CSMD3: variants seen among roughly 807,000 people sequenced by gnomAD.
The protein encoded by CSMD3 is CUB and Sushi multiple domains 3, also known as CUB and sushi domain-containing protein 3.
Under a neutral mutation model 435.2 loss-of-function variants are expected in CSMD3, and 177 were observed. The observed-to-expected ratio is 0.41, with a 90% CI of 0.36 to 0.46. The LOEUF (loss-of-function observed/expected upper bound fraction) is 0.46. Among genes scored for constraint, CSMD3 ranks in the 20% least tolerant of loss-of-function variants. The probability of loss-of-function intolerance (pLI) is 0.34; values close to 1 mark genes in which losing one functional copy is unlikely to be tolerated. For missense variants in CSMD3, 4,265 were observed against 4,504.6 expected (o/e 0.95, Z 1.52); for synonymous variants, 1,656 against 1,520.5 (o/e 1.09, Z -2.07).
In CSMD3 at chr8:112,832,346, A is replaced by C. The variant is rs1292278884; in HGVS notation, c.1756-2557T>G. Among the ~76,000 whole-genome samples the C allele has an allele frequency of 2.0e-5, 3 of 152,276 alleles. No homozygotes were observed. In the East Asian group the frequency reaches 5.8e-4, roughly 29 times the overall value. ...CTATGATTAGTTTATATTATATGGA[A>C]AAGGTGAAGGAATATTAAAGATGTG... On this transcript the variant is annotated intron_variant, in intron 11 of 70. Transcript: ENST00000297405.
intron 32 of CSMD3, among the ~76,000 whole-genome samples, chr8:112,448,755 T>TAAAAAAAA (rs199998820): frequency 1.2e-4 from 15 of 127,174 alleles, no homozygotes; most frequent in African/African-American, 1.3e-4. Flanking sequence ...TACAATCTAT[T>TAAAAAAAA]AAAAAAAAAA....
At chr8:112,920,153 C>A (rs911970737) in intron 10 of CSMD3, among the ~76,000 whole-genome samples, 4 of 151,584 alleles carry the variant, frequency 2.6e-5, no homozygotes, top group African/African-American at 9.7e-5. Flanking sequence ...AAGAAGGAGG[C>A]TTATTTAATT....
At chr8:112,491,621 C>T (rs1472694854) in intron 31 of CSMD3, among the ~76,000 whole-genome samples, 2 of 151,974 alleles carry the variant, frequency 1.3e-5, no homozygotes, top group Non-Finnish European at 2.9e-5. Context: ...TGCACTCCAG[C>T]CTGAGCAGCA....
chr8:112,598,760 A>C (rs1488888899), intron 22 of CSMD3, among the ~76,000 whole-genome samples: 61 of 147,914 alleles, frequency 4.1e-4, no homozygotes, highest in Non-Finnish European at 3.6e-4. Context: ...GAAAAACAAG[A>C]AATGGGGAAA....
chr8:112,583,378 C>A (rs1478781567), intron 23 of CSMD3, among the ~76,000 whole-genome samples: 3 of 152,018 alleles, frequency 2.0e-5, no homozygotes, highest in Admixed American at 2.0e-4. Context: ...GATCTTATCA[C>A]AGGTCAGAGC....
intron 27 of CSMD3, among the ~76,000 whole-genome samples, chr8:112,527,662 G>A (rs766073486): frequency 1.3e-5 from 2 of 151,556 alleles, no homozygotes; most frequent in African/African-American, 4.8e-5. Context: ...GTTGGGCTAT[G>A]GTTTTCTCAG....
At chr8:113,412,705 C>G (rs2094564787) in intron 1 of CSMD3, among the ~76,000 whole-genome samples, 1 of 152,094 alleles carries the variant, frequency 6.6e-6, no homozygotes, top group South Asian at 2.1e-4. Flanking sequence ...CCATACCTAT[C>G]CTGTTTTCCT....
chr8:113,260,934 A>G (rs1477465903), intron 3 of CSMD3, among the ~76,000 whole-genome samples: 1 of 152,140 alleles, frequency 6.6e-6, no homozygotes, highest in Non-Finnish European at 1.5e-5. Context: ...ATAGTATTCC[A>G]TGGTGTATAT....
intron 13 of CSMD3, among the ~76,000 whole-genome samples, chr8:112,699,152 C>T (rs754857327): frequency 6.6e-6 from 1 of 152,116 alleles, no homozygotes; most frequent in African/African-American, 2.4e-5. Flanking sequence ...AAGCTTTGTT[C>T]TTTCCCCCTT....
chr8:113,427,451 T>C (rs1438730403), intron 1 of CSMD3, among the ~76,000 whole-genome samples: 1 of 150,496 alleles, frequency 6.6e-6, no homozygotes, highest in African/African-American at 2.4e-5. Context: ...GGTCTCTCCA[T>C]TCAATGAGCT....
chr8:113,187,594 CAT>C (rs1290541647), intron 3 of CSMD3, among the ~76,000 whole-genome samples: 2 of 151,960 alleles, frequency 1.3e-5, no homozygotes, highest in East Asian at 1.9e-4. Flanking sequence ...TATGAGTGTA[CAT>C]GTTTGATTCA....
chr8:113,235,240 T>A (rs543728325), intron 3 of CSMD3, among the ~76,000 whole-genome samples: 2 of 152,040 alleles, frequency 1.3e-5, no homozygotes, highest in Non-Finnish European at 2.9e-5. Context: ...CTAGGAACAG[T>A]TTAGAAAGAG....
intron 13 of CSMD3, among the ~76,000 whole-genome samples, chr8:112,790,242 C>T (rs1469428665): frequency 1.3e-5 from 2 of 151,812 alleles, no homozygotes; most frequent in African/African-American, 2.4e-5. Flanking sequence ...ATGGTGAAAA[C>T]ATTTTTTAAA....
chr8:112,828,231 T>TTTTCAAGAGAG (rs2079756629), intron 12 of CSMD3, among the ~76,000 whole-genome samples: 1 of 152,166 alleles, frequency 6.6e-6, no homozygotes, highest in Non-Finnish European at 1.5e-5. Flanking sequence ...ACAAAAATGC[T>TTTTCAAGAGAG]GATCATTTTC....
chr8:112,468,232 G>GTGT (rs1818152244), intron 32 of CSMD3, among the ~76,000 whole-genome samples: 2 of 114,936 alleles, frequency 1.7e-5, no homozygotes, highest in Non-Finnish European at 1.8e-5. Flanking sequence ...ATTGCCTAAA[G>GTGT]TATTTTTTTT....
intron 5 of CSMD3, among the ~76,000 whole-genome samples, chr8:113,060,918 A>T (rs1456072898): frequency 6.6e-6 from 1 of 152,172 alleles, no homozygotes; most frequent in Non-Finnish European, 1.5e-5. Flanking sequence ...TGCCAACACC[A>T]ATAATACCCT....
At chr8:112,837,503 A>C (rs2132514739) in intron 11 of CSMD3, among the ~76,000 whole-genome samples, 1 of 151,932 alleles carries the variant, frequency 6.6e-6, no homozygotes, top group African/African-American at 2.4e-5. Context: ...TATATGAAAT[A>C]GTGTTTATAA....
chr8:112,240,235 G>C (rs1446993344), intron 66 of CSMD3, among the ~76,000 whole-genome samples: 1 of 151,876 alleles, frequency 6.6e-6, no homozygotes, highest in Non-Finnish European at 1.5e-5. Flanking sequence ...GACTAACTTT[G>C]CGTTTTAAAA....
chr8:113,323,494 C>A (rs533800120), intron 1 of CSMD3, among the ~76,000 whole-genome samples: 3 of 152,136 alleles, frequency 2.0e-5, no homozygotes, highest in Admixed American at 1.3e-4. Context: ...TCAAGTTTAA[C>A]GTGTGTTTTG....
Sources: gnomAD v4.1 joint callset for allele counts (sites outside exome capture counted in the v4.1 genomes callset) on GRCh38, gnomAD v4.1.1 for gene constraint, MANE v1.5 for transcripts, NCBI Gene and HGNC (gene_info 2026-07-23, HGNC 2026-07-21) for gene names.